TNIK: variants seen among roughly 807,000 people sequenced by gnomAD.
The protein encoded by TNIK is TRAF2 and NCK-interacting protein kinase.
A neutral mutation model predicts 191.3 loss-of-function variants in TNIK; 49 were observed. That is an observed-to-expected ratio of 0.26 (90% CI 0.20 to 0.32). The LOEUF is 0.32. Ranked by LOEUF, TNIK falls within the 10% of genes least tolerant of loss-of-function variation. The pLI is 1.00. For synonymous variants in TNIK, 594 were observed against 600.9 expected (o/e 0.99, Z 0.17); for missense variants, 1,155 against 1,702.3 (o/e 0.68, Z 5.66).
At chr3:171,068,771 A>G (rs1303211546) in intron 30 of TNIK, 77 bp downstream of exon 30, 6 of 1,443,676 alleles carry the variant, frequency 4.2e-6, no homozygotes, top group Non-Finnish European at 3.7e-6. Context: ...TTCTACTAAA[A>G]CTATGCAAAA....
chr3:171,072,628 A>G (rs1383272447), intron 28 of TNIK, among the ~76,000 whole-genome samples: 1 of 152,212 alleles, frequency 6.6e-6, no homozygotes, highest in Non-Finnish European at 1.5e-5. Context: ...GAAAAGAGGA[A>G]GTGAAATTAT....
intron 2 of TNIK, among the ~76,000 whole-genome samples, chr3:171,356,622 G>A (rs1442144732): frequency 6.6e-6 from 1 of 152,120 alleles, no homozygotes; most frequent in African/African-American, 2.4e-5. Context: ...ACCAATCTTT[G>A]CCAAACATTT....
chr3:171,099,756 C>T (rs562603528), intron 22 of TNIK, among the ~76,000 whole-genome samples: 109 of 152,090 alleles, frequency 7.2e-4, no homozygotes, highest in Non-Finnish European at 1.1e-3. Context: ...AGAAGTGAAG[C>T]GTGGTCTATT....
At chr3:171,113,341 C>T (rs533061180) in intron 18 of TNIK, among the ~76,000 whole-genome samples, 1 of 152,218 alleles carries the variant, frequency 6.6e-6, no homozygotes, top group South Asian at 2.1e-4. Context: ...CACGGTGGCT[C>T]ACGCCTGTAA....
intron 9 of TNIK, among the ~76,000 whole-genome samples, chr3:171,169,170 C>T (rs28430945): frequency 0.027 from 4,139 of 151,902 alleles, 187 homozygotes; most frequent in African/African-American, 0.092. Context: ...AAGATGAAAA[C>T]AAAAATTAAG....
At chr3:171,227,161 G>T (rs1209707649) in intron 3 of TNIK, among the ~76,000 whole-genome samples, 1 of 152,036 alleles carries the variant, frequency 6.6e-6, no homozygotes. Context: ...TCAGATTTTT[G>T]CTGTGTACTC....
chr3:171,181,757 C>T (rs529799380), intron 7 of TNIK, among the ~76,000 whole-genome samples: 9 of 152,310 alleles, frequency 5.9e-5, no homozygotes, highest in African/African-American at 1.9e-4. Context: ...CTAGGAGCTT[C>T]GGTTTCTGAA....
At chr3:171,143,992 A>C (rs1375424200) in intron 12 of TNIK, among the ~76,000 whole-genome samples, 1 of 152,216 alleles carries the variant, frequency 6.6e-6, no homozygotes, top group African/African-American at 2.4e-5. Context: ...AAGAGTCTAA[A>C]CTGGAAAAAA....
chr3:171,331,681 A>G (rs1411871300), intron 2 of TNIK, among the ~76,000 whole-genome samples: 1 of 152,216 alleles, frequency 6.6e-6, no homozygotes, highest in Non-Finnish European at 1.5e-5. Context: ...CTTTAGGACA[A>G]ATGATTTAAA....
chr3:171,217,634 A>C (rs1026529134), intron 3 of TNIK, among the ~76,000 whole-genome samples: 6 of 152,194 alleles, frequency 3.9e-5, no homozygotes, highest in Admixed American at 2.0e-4. Context: ...CAATAATATA[A>C]TCATACTACA....
chr3:171,134,012 G>C (rs896531576), intron 15 of TNIK, among the ~76,000 whole-genome samples: 2 of 152,114 alleles, frequency 1.3e-5, no homozygotes, highest in Non-Finnish European at 2.9e-5. Context: ...TCACTGCTGA[G>C]CTTTGGTACA....
At chr3:171,448,626 G>C (rs1457061613) in intron 1 of TNIK, among the ~76,000 whole-genome samples, 2 of 144,056 alleles carry the variant, frequency 1.4e-5, no homozygotes, top group Non-Finnish European at 3.0e-5. Flanking sequence ...CATATACTTA[G>C]GAGTGAAATT....
At position 171,156,465 on chromosome 3, in the gene TNIK, G is replaced by A. The variant is rs147597179; in HGVS notation, c.1221+995C>T. Among the ~76,000 whole-genome samples the A allele has an allele frequency of 5.8e-4, 89 of 152,278 alleles. 1 individual carries two copies. The East Asian group carries it at 0.016, about 27-fold the overall frequency. ...GTTAATGAGAAGCAAGCTGGTGTTC[G>A]GGAAACCTGTAAAATTACTATCCCA... is the stretch of plus-strand genomic sequence containing the variant. On this transcript the variant is annotated intron_variant, in intron 12 of 32. Transcript: ENST00000436636.
At chr3:171,256,438 A>G (rs1249561981) in intron 2 of TNIK, among the ~76,000 whole-genome samples, 5 of 152,232 alleles carry the variant, frequency 3.3e-5, no homozygotes, top group Admixed American at 6.5e-5. Flanking sequence ...GGGGAGATGC[A>G]ATCTTCTTAA....
chr3:171,451,285 C>T (rs1394047258), intron 1 of TNIK, among the ~76,000 whole-genome samples: 1 of 152,228 alleles, frequency 6.6e-6, no homozygotes, highest in Non-Finnish European at 1.5e-5. Context: ...CCAATGGAGC[C>T]ACCTACGTGG....
chr3:171,273,535 C>T (rs935813838), intron 2 of TNIK, among the ~76,000 whole-genome samples: 1 of 152,200 alleles, frequency 6.6e-6, no homozygotes, highest in African/African-American at 2.4e-5. Context: ...TGATCTCTCA[C>T]TTGGTTTCCT....
intron 3 of TNIK, among the ~76,000 whole-genome samples, chr3:171,218,536 T>G (rs990521660): frequency 3.8e-4 from 57 of 151,764 alleles, no homozygotes; most frequent in Non-Finnish European, 6.9e-4. Flanking sequence ...AGTTTTTTTT[T>G]TTTTTTCTGA....
chr3:171,091,934 TTTTCTTTC>T (rs144018156), intron 23 of TNIK, among the ~76,000 whole-genome samples: 1 of 148,516 alleles, frequency 6.7e-6, no homozygotes, highest in Non-Finnish European at 1.5e-5. Context: ...GCAAATGCTA[TTTTCTTTC>T]TTTCTTTCTT....
intron 1 of TNIK, among the ~76,000 whole-genome samples, chr3:171,401,798 C>T (rs116728238): frequency 0.013 from 1,936 of 152,198 alleles, 34 homozygotes; most frequent in African/African-American, 0.045. Context: ...TTAATATCAA[C>T]CTCATAGGGC....
Sources: allele counts gnomAD v4.1 joint callset (sites outside exome capture counted in the v4.1 genomes callset), GRCh38; gene constraint gnomAD v4.1.1; transcripts MANE v1.5; gene names NCBI Gene and HGNC (gene_info 2026-07-23, HGNC 2026-07-21).